CLDN10: variants seen among roughly 807,000 people sequenced by gnomAD.
The protein encoded by CLDN10 is claudin 10.
CLDN10 carries 15 observed loss-of-function variants against 22.9 expected under a neutral mutation model. The observed-to-expected ratio is 0.65, with a 90% confidence interval of 0.44 to 1.01. The LOEUF is 1.01. Among genes scored for constraint, CLDN10 ranks in the 50% least tolerant of loss-of-function variants. CLDN10 has a pLI of 0.00. For synonymous variants in CLDN10, 114 were observed against 111.4 expected (o/e 1.02, Z -0.15); for missense variants, 247 against 287.8 (o/e 0.86, Z 1.03).
At chr13:95,494,227 T>C (rs545386188) in intron 1 of CLDN10, among the ~76,000 whole-genome samples, 1 of 152,302 alleles carries the variant, frequency 6.6e-6, no homozygotes, top group African/African-American at 2.4e-5. Flanking sequence ...CCTCTCCCCA[T>C]AGTAGCTGTC....
At chr13:95,477,713 AC>A (rs1200365364) in intron 1 of CLDN10, among the ~76,000 whole-genome samples, 1 of 152,142 alleles carries the variant, frequency 6.6e-6, no homozygotes, top group Non-Finnish European at 1.5e-5. Context: ...GACCAGCAGC[AC>A]CTGGGACTTA....
At chr13:95,527,278 C>T (rs979119390) in intron 1 of CLDN10, among the ~76,000 whole-genome samples, 1 of 152,156 alleles carries the variant, frequency 6.6e-6, no homozygotes, top group African/African-American at 2.4e-5. Context: ...TTCTTGTTTG[C>T]TTCCTCTTTA....
chr13:95,468,454 T>C (rs1195641374), intron 1 of CLDN10, among the ~76,000 whole-genome samples: 1 of 152,142 alleles, frequency 6.6e-6, no homozygotes, highest in African/African-American at 2.4e-5. Flanking sequence ...AGGCCAGATA[T>C]GTGGCTCATG....
rs1473910568 is a variant in CLDN10, at chr13:95,578,061, C to T, written c.*47C>T. ...CTCTTGAGTTTGTTATAAAAGCGAA[C>T]TGTTCACAAAATGATCCCATCAAGG... On this transcript the variant is annotated 3_prime_UTR_variant, in exon 5 of 5. Coordinates refer to ENST00000299339, the MANE Select transcript of CLDN10 (RefSeq NM_006984.5). The T allele has an allele frequency of 2.6e-6, 3 of 1,133,006 alleles. No individual in the cohort carries two copies. The highest frequency in any genetic ancestry group is 3.9e-6 in the Non-Finnish European group (3 of 759,606). 70.2% of individuals were successfully genotyped at this position (1,133,006 alleles called of 1,614,324 possible).
intron 1 of CLDN10, among the ~76,000 whole-genome samples, chr13:95,532,178 A>G (rs2138606827): frequency 6.6e-6 from 1 of 152,350 alleles, no homozygotes; most frequent in Non-Finnish European, 1.5e-5. Context: ...GACATCATCA[A>G]CATTTAAAAC....
chr13:95,439,562 G>T (rs1015266629), intron 1 of CLDN10, among the ~76,000 whole-genome samples: 4 of 152,074 alleles, frequency 2.6e-5, no homozygotes, highest in Non-Finnish European at 5.9e-5. Flanking sequence ...TCAAAATCCT[G>T]TCCTCAAGTG....
intron 1 of CLDN10, among the ~76,000 whole-genome samples, chr13:95,483,962 G>A (rs762843709): frequency 1.3e-5 from 2 of 152,156 alleles, no homozygotes; most frequent in Non-Finnish European, 2.9e-5. Flanking sequence ...ACACCCCAGA[G>A]AGGTCCCTCC....
At chr13:95,537,291 G>T (rs2043410367) in intron 1 of CLDN10, among the ~76,000 whole-genome samples, 1 of 152,220 alleles carries the variant, frequency 6.6e-6, no homozygotes, top group South Asian at 2.1e-4. Context: ...TGGGGGGGTT[G>T]TTGGTTATTT....
intron 3 of CLDN10, among the ~76,000 whole-genome samples, chr13:95,561,459 T>C (rs978648075): frequency 1.3e-5 from 2 of 152,158 alleles, no homozygotes; most frequent in African/African-American, 4.8e-5. Flanking sequence ...GCATGTTGAG[T>C]CCCCACCAGG....
intron 1 of CLDN10, among the ~76,000 whole-genome samples, chr13:95,453,386 A>G (rs2042450765): frequency 1.3e-5 from 2 of 152,304 alleles, no homozygotes; most frequent in Admixed American, 6.5e-5. Context: ...CTTACCTCTA[A>G]ATAAACAAGC....
chr13:95,468,300 T>G (rs2042598733), intron 1 of CLDN10, among the ~76,000 whole-genome samples: 1 of 152,350 alleles, frequency 6.6e-6, no homozygotes, highest in East Asian at 1.9e-4. Flanking sequence ...TAAGTCTTTT[T>G]GGCATGCTTT....
In CLDN10 at chr13:95,498,356, A is replaced by T. The variant is rs190037363; in HGVS notation, c.215-61776A>T. Among the ~76,000 whole-genome samples, 13 of 152,222 alleles carry T rather than the reference A, an allele frequency of 8.5e-5. No homozygotes were observed. In the East Asian group the frequency reaches 2.5e-3, roughly 29 times the overall value. On this transcript the variant is annotated intron_variant, in intron 1 of 4. Transcript: ENST00000376873. The stretch of plus-strand genomic sequence containing the variant: ...TTTCCAGTACAACTACACACACAAG[A>T]TGTCTATGGGCAAAATATTTTATGG...
chr13:95,461,386 A>T (rs1292848551), intron 1 of CLDN10, among the ~76,000 whole-genome samples: 2 of 152,198 alleles, frequency 1.3e-5, no homozygotes, highest in African/African-American at 4.8e-5. Context: ...GAAAGAACAG[A>T]TACTTCTTGA....
In CLDN10 at chr13:95,564,693, C is replaced by T. The variant is rs544408620; in HGVS notation, c.464+4230C>T. ...CCCAAGTTAGGAAAACACAACTAAGCTCATGAACCAAGTTCCCTATACATT... is the reference window on the plus strand; with the variant it reads ...CCCAAGTTAGGAAAACACAACTAAGTTCATGAACCAAGTTCCCTATACATT... On this transcript the variant is annotated intron_variant, in intron 3 of 4. Coordinates refer to ENST00000299339, the MANE Select transcript of CLDN10 (RefSeq NM_006984.5). Among the ~76,000 whole-genome samples the T allele has an allele frequency of 7.9e-5, 12 of 152,302 alleles. No homozygotes were observed. The East Asian group carries it at 2.3e-3, about 29-fold the overall frequency.
chr13:95,555,583 C>T (rs7330801), intron 1 of CLDN10, among the ~76,000 whole-genome samples: 104,212 of 152,100 alleles, frequency 0.69, 36,029 homozygotes, highest in East Asian at 0.85. Context: ...CCTTTTCTCA[C>T]ACAGGACTTT....
intron 1 of CLDN10, among the ~76,000 whole-genome samples, chr13:95,438,042 CT>C (rs1161718062): frequency 2.0e-5 from 3 of 151,984 alleles, no homozygotes; most frequent in Non-Finnish European, 4.4e-5. Context: ...GGATTAAGGT[CT>C]TTTCTTCTGT....
Position 95,434,439 on chromosome 13 carries a change from C to A in CLDN10, c.214+392C>A, listed in dbSNP as rs2139056172. 4.6e-5 allele frequency among the ~76,000 whole-genome samples: 5 copies of A among 107,794 alleles called. No homozygotes were observed. The Middle Eastern group carries it at 0.023, about 494-fold the overall frequency. 70.7% of individuals were successfully genotyped at this position (107,794 alleles called of 152,430 possible). A position where few individuals can be genotyped will look rare whatever the true frequency, so the allele number is the denominator to read the frequency against. On this transcript the variant is annotated intron_variant, in intron 1 of 4. Transcript: ENST00000376873. Reference sequence around the variant, plus strand: ...TCTCCCTCTCTTCCTCTCTCTCTCTCTCTCTGTCTCTCTCTCTCTATATAT... The same window carrying A: ...TCTCCCTCTCTTCCTCTCTCTCTCTATCTCTGTCTCTCTCTCTCTATATAT...
At position 95,577,996 on chromosome 13, in the gene CLDN10, T is replaced by C; in HGVS notation, c.669T>C (p.Asp223=). The part of the protein sequence containing the change: ...FKTTNPSKQF[D]KNAYV ...CAACAAACCCTTCAAAACAGTTTGA[T>C]AAAAATGCTTATGTCTAAAAGAGCT... The change falls in exon 5 of 5, where the codon GAT becomes GAC. Residue 223 remains aspartate (D), a synonymous_variant. Coordinates refer to ENST00000299339, the MANE Select transcript of CLDN10 (RefSeq NM_006984.5). The C allele has an allele frequency of 6.2e-7, 1 of 1,608,270 alleles. No individual in the cohort carries two copies. The highest frequency in any genetic ancestry group is 2.2e-5 in the East Asian group (1 of 44,844).
intron 1 of CLDN10, among the ~76,000 whole-genome samples, chr13:95,464,792 C>T (rs546161591): frequency 3.3e-5 from 5 of 152,000 alleles, no homozygotes; most frequent in South Asian, 4.2e-4. Context: ...AGTGCAGTGG[C>T]GTGATCTTGG....
Sources: gnomAD v4.1 joint callset for allele counts (sites outside exome capture counted in the v4.1 genomes callset) on GRCh38, gnomAD v4.1.1 for gene constraint, MANE v1.5 for transcripts, NCBI Gene and HGNC (gene_info 2026-07-23, HGNC 2026-07-21) for gene names.